LRP1B: variants seen among roughly 807,000 people sequenced by gnomAD.
The protein encoded by LRP1B is LDL receptor related protein 1B.
Under a neutral mutation model 556.6 loss-of-function variants are expected in LRP1B, and 217 were observed. The observed-to-expected ratio is 0.39, with a 90% confidence interval of 0.35 to 0.44. LRP1B has a LOEUF of 0.44. LRP1B is among the 20% of genes least tolerant of loss of function. LRP1B has a pLI of 1.00. For synonymous variants in LRP1B, 2,047 were observed against 1,865.8 expected (o/e 1.10, Z -2.50); for missense variants, 5,053 against 5,620.8 (o/e 0.90, Z 3.23).
In LRP1B at chr2:141,039,809, T is replaced by G. The variant is rs111652265; in HGVS notation, c.1789+9177A>C. On this transcript the variant is annotated intron_variant, in intron 11 of 90. Transcript: ENST00000389484. ...TTTTATAACCCATATTTTAATCTTC[T>G]CGTATGCATGTCTACTTTTCAGACA... Among the ~76,000 whole-genome samples the G allele has an allele frequency of 4.0e-3, 605 of 152,204 alleles. 4 individuals carry two copies. The highest frequency in any genetic ancestry group is 0.012 in the African/African-American group (513 of 41,558).
Position 141,035,968 on chromosome 2 carries a change from C to G in LRP1B, c.1789+13018G>C, listed in dbSNP as rs141347524. Among the ~76,000 whole-genome samples, 466 of 152,082 alleles carry G rather than the reference C, an allele frequency of 3.1e-3. 4 individuals carry two copies. Among genetic ancestry groups the G allele is most frequent in the African/African-American group, 0.011 (453 of 41,472 alleles). On this transcript the variant is annotated intron_variant, in intron 11 of 90. Transcript: ENST00000389484. ...TATTTCCATCTTGTTCCTCAAATTC[C>G]TATTTGCACTCATGAACTATAAACA...
chr2:141,943,192 A>G (rs1224254452), intron 1 of LRP1B, among the ~76,000 whole-genome samples: 1 of 152,168 alleles, frequency 6.6e-6, no homozygotes, highest in African/African-American at 2.4e-5. Flanking sequence ...TTTGTCTTGG[A>G]GGCAATCATT....
chr2:141,175,577 G>C (rs147870106), intron 7 of LRP1B, among the ~76,000 whole-genome samples: 32 of 152,268 alleles, frequency 2.1e-4, no homozygotes, highest in African/African-American at 6.3e-4. Flanking sequence ...GATTTCAGTG[G>C]ATGTATGAAA....
chr2:141,242,808 T>C (rs1052109294), intron 5 of LRP1B, among the ~76,000 whole-genome samples: 2 of 151,998 alleles, frequency 1.3e-5, no homozygotes, highest in African/African-American at 4.8e-5. Context: ...CTTCAGTGAG[T>C]GGTTAGGACA....
At chr2:141,484,700 T>G (rs1463241369) in intron 2 of LRP1B, among the ~76,000 whole-genome samples, 3 of 152,108 alleles carry the variant, frequency 2.0e-5, no homozygotes, top group African/African-American at 7.2e-5. Context: ...GTTGGATTCC[T>G]AGGTATTTTA....
intron 11 of LRP1B, among the ~76,000 whole-genome samples, chr2:141,036,541 G>A (rs963764600): frequency 6.6e-6 from 1 of 152,036 alleles, no homozygotes; most frequent in African/African-American, 2.4e-5. Context: ...CAAATAATCT[G>A]CCTCTAGAAA....
chr2:141,833,748 A>T (rs1697179935), intron 1 of LRP1B, among the ~76,000 whole-genome samples: 1 of 151,850 alleles, frequency 6.6e-6, no homozygotes. Flanking sequence ...CCAACGGAAA[A>T]AAAAATAAAT....
intron 32 of LRP1B, among the ~76,000 whole-genome samples, chr2:140,779,924 A>G (rs1331069266): frequency 1.3e-5 from 2 of 152,042 alleles, no homozygotes; most frequent in East Asian, 3.9e-4. Context: ...AGGAAACTGA[A>G]CAAAGCCAGA....
chr2:141,910,809 A>G (rs1699890148), intron 1 of LRP1B, among the ~76,000 whole-genome samples: 1 of 152,134 alleles, frequency 6.6e-6, no homozygotes, highest in Non-Finnish European at 1.5e-5. Context: ...TTAAAAAAGT[A>G]AGGAAAGTAG....
intron 63 of LRP1B, among the ~76,000 whole-genome samples, chr2:140,445,764 A>G (rs1392339538): frequency 6.6e-6 from 1 of 152,160 alleles, no homozygotes; most frequent in Non-Finnish European, 1.5e-5. Flanking sequence ...AAATTTACTG[A>G]ATATGAATAA....
At chr2:140,896,565 T>G (rs1003993518) in intron 23 of LRP1B, among the ~76,000 whole-genome samples, 2 of 152,212 alleles carry the variant, frequency 1.3e-5, no homozygotes, top group Non-Finnish European at 2.9e-5. Flanking sequence ...CACTGCAGTC[T>G]CAATCTCCTG....
intron 35 of LRP1B, among the ~76,000 whole-genome samples, chr2:140,745,282 A>G (rs1688278108): frequency 6.6e-6 from 1 of 152,184 alleles, no homozygotes; most frequent in Non-Finnish European, 1.5e-5. Flanking sequence ...AAACCCTTTC[A>G]AAGTAATCAA....
intron 2 of LRP1B, among the ~76,000 whole-genome samples, chr2:141,520,918 C>T (rs1684504021): frequency 6.6e-6 from 1 of 152,002 alleles, no homozygotes; most frequent in Middle Eastern, 3.4e-3. Context: ...CATCTGATTC[C>T]CTTGGTGATG....
rs1681201608 is a variant in LRP1B at position 140,247,156 on chromosome 2, G to A, written c.13254C>T (p.Ser4418=). The A allele has an allele frequency of 6.2e-7, 1 of 1,607,410 alleles. No individual in the cohort carries two copies. The highest frequency in any genetic ancestry group is 8.5e-7 in the Non-Finnish European group (1 of 1,175,224). The change falls in exon 87 of 91, where the codon TCC becomes TCT. Residue 4418 remains serine, a synonymous_variant. Transcript: ENST00000389484. ...PETNVPVCLC[S]TNWSGTQCER... ...CACACTGTGTGCCTGACCAGTTGGT[G>A]GAGCATCTAAAAATATCCAAACAAC...
At chr2:140,639,637 T>A (rs1574176890) in intron 41 of LRP1B, among the ~76,000 whole-genome samples, 1 of 152,202 alleles carries the variant, frequency 6.6e-6, no homozygotes, top group Non-Finnish European at 1.5e-5. Flanking sequence ...CCTTTTCTAC[T>A]CTATTTTCCT....
intron 3 of LRP1B, among the ~76,000 whole-genome samples, chr2:141,460,518 T>C (rs2105041187): frequency 6.6e-6 from 1 of 152,288 alleles, no homozygotes; most frequent in Non-Finnish European, 1.5e-5. Context: ...TTGAATGTAA[T>C]GTGCAGCCCA....
At chr2:140,640,520 C>T (rs1684254638) in intron 41 of LRP1B, among the ~76,000 whole-genome samples, 1 of 148,740 alleles carries the variant, frequency 6.7e-6, no homozygotes, top group South Asian at 2.1e-4. Context: ...CTCAGCCTCC[C>T]GAGTAGCTGG....
chr2:140,420,499 T>C (rs1685390221), intron 66 of LRP1B, among the ~76,000 whole-genome samples: 1 of 152,226 alleles, frequency 6.6e-6, no homozygotes. Flanking sequence ...ATATACTTAC[T>C]ATGTAATCCT....
chr2:140,325,724 G>A, intron 80 of LRP1B, 38 bp downstream of exon 80: 9 of 1,354,242 alleles, frequency 6.6e-6, no homozygotes, highest in Non-Finnish European at 9.4e-6. Flanking sequence ...AACACTCTCA[G>A]TAACAATTAA....
Sources: allele counts gnomAD v4.1 joint callset (sites outside exome capture counted in the v4.1 genomes callset), GRCh38; gene constraint gnomAD v4.1.1; transcripts MANE v1.5; gene names NCBI Gene and HGNC (gene_info 2026-07-23, HGNC 2026-07-21).